Variants in NAA50 observed in about 807,000 individuals in gnomAD.
NAA50 encodes N-alpha-acetyltransferase 50.
A neutral mutation model predicts 20.7 loss-of-function variants in NAA50; 7 were observed. The ratio of observed to expected loss-of-function variants is 0.34; its 90% confidence interval spans 0.19 to 0.63. The LOEUF (loss-of-function observed/expected upper bound fraction) is 0.63. NAA50 is among the 30% of genes least tolerant of loss of function. NAA50 has a pLI of 0.75. For synonymous variants in NAA50, 54 were observed against 70.6 expected (o/e 0.77, Z 1.18); for missense variants, 111 against 199.1 (o/e 0.56, Z 2.66).
At chr3:113,734,434 T>C (rs866185561) in intron 1 of NAA50, among the ~76,000 whole-genome samples, 2 of 152,174 alleles carry the variant, frequency 1.3e-5, no homozygotes, top group East Asian at 3.9e-4. Context: ...AACCGGTACA[T>C]GTACCCCCTG....
intron 4 of NAA50, among the ~76,000 whole-genome samples, chr3:113,722,248 AAC>A (rs1418806805): frequency 2.0e-5 from 3 of 152,144 alleles, no homozygotes; most frequent in Non-Finnish European, 2.9e-5. Context: ...AGGCCCTATT[AAC>A]ACACAGAAAA....
At position 113,723,414 on chromosome 3, in the gene NAA50, T is replaced by G; in HGVS notation, c.265+8A>C. ...CTCTGAAGAAGTAAAAAAACCACAA[T>G]TTTTTACCTATTCCTAGCCTTCGGT... On this transcript the variant is annotated splice_region_variant and intron_variant, in intron 3 of 4. Transcript: ENST00000240922. 6.3e-7 allele frequency: 1 copy of G among 1,598,096 alleles called. No individual in the cohort carries two copies. The highest frequency in any genetic ancestry group is 1.3e-5 in the African/African-American group (1 of 74,238).
Position 113,721,427 on chromosome 3 carries a change from T to C in NAA50, c.*333A>G, listed in dbSNP as rs1708134288. The C allele has an allele frequency of 1.0e-5, 3 of 291,080 alleles. No homozygotes were observed. Among genetic ancestry groups the C allele is most frequent in the East Asian group, 1.9e-4 (2 of 10,322 alleles). 18.0% of individuals were successfully genotyped at this position (291,080 alleles called of 1,614,324 possible). ...GAAATATACAATGTTTTGTAGGCTC[T>C]GCCCTTCAATGTGAAAGCAGGACAT... On this transcript the variant is annotated 3_prime_UTR_variant, in exon 5 of 5. Coordinates refer to ENST00000240922, the MANE Select transcript of NAA50 (RefSeq NM_025146.4).
chr3:113,721,887 C>T lies in NAA50; in HGVS notation c.383G>A (p.Gly128Asp). ...CTTCTTTGTCTCAATAATCTCAAAGCCAAACTTCCTGTAGAAGTCAATTGC... is the reference window on the plus strand; with the variant it reads ...CTTCTTTGTCTCAATAATCTCAAAGTCAAACTTCCTGTAGAAGTCAATTGC... Reference protein sequence around the residue: ...ESAIDFYRKFGFEIIETKKNY... With the variant: ...ESAIDFYRKFDFEIIETKKNY... Residue 128 changes from glycine (G) to aspartate (D), a missense_variant, in exon 5 of 5, where the codon GGC becomes GAC. Gly to Asp is a moderately conservative substitution (Grantham distance 94). Coordinates refer to ENST00000240922, the MANE Select transcript of NAA50 (RefSeq NM_025146.4). 1 of 1,613,840 alleles carries T rather than the reference C, an allele frequency of 6.2e-7. No individual in the cohort carries two copies. Among genetic ancestry groups the T allele is most frequent in the Non-Finnish European group, 8.5e-7 (1 of 1,179,814 alleles).
intron 1 of NAA50, among the ~76,000 whole-genome samples, chr3:113,727,798 T>G (rs569553498): frequency 1.6e-3 from 250 of 152,276 alleles, no homozygotes; most frequent in African/African-American, 5.8e-3. Flanking sequence ...TATTGTTTGG[T>G]AGCTGTTGGA....
intron 1 of NAA50, among the ~76,000 whole-genome samples, chr3:113,735,714 C>G (rs1396006433): frequency 6.6e-6 from 1 of 152,206 alleles, no homozygotes; most frequent in Non-Finnish European, 1.5e-5. Flanking sequence ...GAGACAGTCT[C>G]CCTCAGAAGC....
In NAA50 at chr3:113,717,413, C is replaced by T. The variant is rs919505866; in HGVS notation, c.*4347G>A. 5 of 152,180 alleles carry T rather than the reference C, an allele frequency of 3.3e-5. No individual in the cohort carries two copies. The highest frequency in any genetic ancestry group is 2.0e-4 in the Admixed American group (3 of 15,268). 9.4% of individuals were successfully genotyped at this position (152,180 alleles called of 1,614,324 possible). A position where few individuals can be genotyped will look rare whatever the true frequency, so the allele number is the denominator to read the frequency against. On this transcript the variant is annotated 3_prime_UTR_variant, in exon 5 of 5. Transcript: ENST00000240922. ...GAACTGAAAAGGTTGAGAATTTCTG[C>T]CCCAGTAACAGATCGTTCTCTGACT...
At chr3:113,744,685 CTTAAACT>C (rs1309695163) in intron 1 of NAA50, among the ~76,000 whole-genome samples, 2 of 152,118 alleles carry the variant, frequency 1.3e-5, no homozygotes, top group African/African-American at 2.4e-5. Context: ...GTTCATGGTT[CTTAAACT>C]TTAAAGATTA....
chr3:113,716,484 T>C lies in NAA50; in HGVS notation c.*5276A>G, dbSNP rs1708050088. 6.6e-6 allele frequency: 1 copy of C among 152,244 alleles called. No homozygotes were observed. Among genetic ancestry groups the C allele is most frequent in the Admixed American group, 6.5e-5 (1 of 15,286 alleles). The allele number at this position is 152,244 out of a possible 1,614,324, so 9.4% of individuals were successfully genotyped here. On this transcript the variant is annotated 3_prime_UTR_variant, in exon 5 of 5. Coordinates refer to ENST00000240922, the MANE Select transcript of NAA50 (RefSeq NM_025146.4). ...ATAGTACCTGACAGTTTTATTATAC[T>C]TTAGGGGAAGAGATGGCTAGTGACA...
chr3:113,729,988 T>C (rs955566527), intron 1 of NAA50, among the ~76,000 whole-genome samples: 1 of 152,112 alleles, frequency 6.6e-6, no homozygotes, highest in East Asian at 1.9e-4. Flanking sequence ...AATCTGACAA[T>C]TGGAGTATCT....
rs55868922 is a variant in NAA50, at chr3:113,740,893, T to C, written c.8+5049A>G. The C allele has an allele frequency of 9.8e-3, 4,467 of 458,110 alleles. 191 individuals carry two copies. The highest frequency in any genetic ancestry group is 0.081 in the African/African-American group (4,039 of 49,696). 28.4% of individuals were successfully genotyped at this position (458,110 alleles called of 1,614,324 possible). ...CACATAGGCAATATCATCTAGACTA[T>C]GCTAGAGTTTTCAATGACTCCATCA... On this transcript the variant is annotated intron_variant, in intron 1 of 4. Coordinates refer to ENST00000240922, the MANE Select transcript of NAA50 (RefSeq NM_025146.4).
At chr3:113,730,511 T>C (rs1004886032) in intron 1 of NAA50, among the ~76,000 whole-genome samples, 2 of 152,064 alleles carry the variant, frequency 1.3e-5, no homozygotes, top group Admixed American at 6.5e-5. Flanking sequence ...TTTTGGTGTA[T>C]AGTTCTGAGT....
chr3:113,745,574 C>A (rs546244768), intron 1 of NAA50, among the ~76,000 whole-genome samples: 2 of 152,278 alleles, frequency 1.3e-5, no homozygotes, highest in African/African-American at 4.8e-5. Flanking sequence ...ACAACCAAAC[C>A]ACTCCACCTG....
rs150495798 is a variant in NAA50, at chr3:113,741,771, A to C, written c.8+4171T>G. Among the ~76,000 whole-genome samples, 1,437 of 152,352 alleles carry C rather than the reference A, an allele frequency of 9.4e-3. 17 individuals are homozygous for C. The highest frequency in any genetic ancestry group is 0.033 in the African/African-American group (1,374 of 41,574). On this transcript the variant is annotated intron_variant, in intron 1 of 4. Coordinates refer to ENST00000240922, the MANE Select transcript of NAA50 (RefSeq NM_025146.4). Reference sequence around the variant, plus strand: ...TTATTCTTTGTTTAGAGCTTTCCTAAGAGTTGTCTGCAATTTCAGGAAGAA... The same window carrying C: ...TTATTCTTTGTTTAGAGCTTTCCTACGAGTTGTCTGCAATTTCAGGAAGAA...
rs200019558 is a variant in NAA50, at chr3:113,724,794, A to AT, written c.9-700dup. Among the ~76,000 whole-genome samples the AT allele has an allele frequency of 6.3e-3, 956 of 152,280 alleles. 29 individuals carry two copies. The highest frequency in any genetic ancestry group is 0.047 in the Admixed American group (716 of 15,286). Reference sequence around the variant, plus strand: ...GCGAATCATGGGGGCGGTTGCCCTCATGCTGTTCTCGTGATAGTGAGTTCT... The same window carrying AT: ...GCGAATCATGGGGGCGGTTGCCCTCATTGCTGTTCTCGTGATAGTGAGTTCT... On this transcript the variant is annotated intron_variant, in intron 1 of 4. Transcript: ENST00000240922.
intron 1 of NAA50, among the ~76,000 whole-genome samples, chr3:113,743,418 C>T (rs968275888): frequency 1.3e-5 from 2 of 152,100 alleles, no homozygotes; most frequent in Non-Finnish European, 1.5e-5. Flanking sequence ...TTTTACAGGC[C>T]ATTCCAAATT....
At position 113,746,151 on chromosome 3, in the gene NAA50, C is replaced by T. The variant is rs1040762781; in HGVS notation, c.-202G>A. ...GTGGGGGCGGGAGTGTCTCCCGCCGCCGCGCTTGTGCCGCCGCTTCTCCAC... is the reference window on the plus strand; with the variant it reads ...GTGGGGGCGGGAGTGTCTCCCGCCGTCGCGCTTGTGCCGCCGCTTCTCCAC... On this transcript the variant is annotated 5_prime_UTR_variant, in exon 1 of 5. Coordinates refer to ENST00000240922, the MANE Select transcript of NAA50 (RefSeq NM_025146.4). 1.7e-6 allele frequency: 1 copy of T among 587,648 alleles called. No homozygotes were observed. 36.4% of individuals were successfully genotyped at this position (587,648 alleles called of 1,614,324 possible).
chr3:113,734,939 A>C (rs982250685), intron 1 of NAA50, among the ~76,000 whole-genome samples: 7 of 152,248 alleles, frequency 4.6e-5, no homozygotes, highest in Non-Finnish European at 8.8e-5. Flanking sequence ...AATGAGACTG[A>C]AGCAATGCTA....
chr3:113,723,372 A>G (rs199847246), intron 3 of NAA50, 50 bp downstream of exon 3: 159 of 1,542,558 alleles, frequency 1.0e-4, no homozygotes, highest in Middle Eastern at 3.5e-4. Context: ...ACATTAACAA[A>G]TAATATGTTT....
Sources: allele counts gnomAD v4.1 joint callset (sites outside exome capture counted in the v4.1 genomes callset), GRCh38; gene constraint gnomAD v4.1.1; transcripts MANE v1.5; gene names NCBI Gene and HGNC (gene_info 2026-07-23, HGNC 2026-07-21).